The following PLCE1 variants were observed in gnomAD, a reference collection of about 807,000 sequenced individuals.
PLCE1 encodes the protein 1-phosphatidylinositol 4,5-bisphosphate phosphodiesterase epsilon-1.
In PLCE1, 119 loss-of-function variants were observed where a neutral mutation model predicts 242.8. The observed-to-expected ratio is 0.49, with a 90% confidence interval of 0.42 to 0.57. The LOEUF (loss-of-function observed/expected upper bound fraction) is 0.57, where lower values mean the gene tolerates loss of function less well. PLCE1 is among the 20% of genes least tolerant of loss of function. The probability of loss-of-function intolerance (pLI) is 0.00; values close to 1 mark genes in which losing one functional copy is unlikely to be tolerated. For missense variants in PLCE1, 2,441 were observed against 2,788.8 expected, an observed-to-expected ratio of 0.88 and a Z score of 2.81; for synonymous variants, 945 against 1,017.4, an observed-to-expected ratio of 0.93 and a Z score of 1.35.
At chr10:94,062,149 G>T (rs904425736) in intron 2 of PLCE1, among the ~76,000 whole-genome samples, 1 of 152,228 alleles carries the variant, frequency 6.6e-6, no homozygotes, top group Admixed American at 6.5e-5. Flanking sequence ...ATAGGTTGGT[G>T]GTTAAAACTG....
chr10:94,305,829 CTT>C (rs377352867), intron 25 of PLCE1, among the ~76,000 whole-genome samples: 86 of 152,264 alleles, frequency 5.6e-4, no homozygotes, highest in African/African-American at 1.9e-3. Context: ...AAAGTCTTCT[CTT>C]GTGAGAAATT....
chr10:94,132,132 A>G (rs1433690362), intron 2 of PLCE1, 42 bp from the exon 3 acceptor site: 4 of 1,597,364 alleles, frequency 2.5e-6, no homozygotes, highest in East Asian at 4.5e-5. Context: ...TGCTTTCCTA[A>G]GAAACTAGAT....
intron 13 of PLCE1, among the ~76,000 whole-genome samples, chr10:94,259,705 C>T (rs1321188738): frequency 1.3e-5 from 2 of 152,130 alleles, no homozygotes; most frequent in Non-Finnish European, 2.9e-5. Context: ...CCAATAAAGC[C>T]TTCCAGTCAT....
chr10:94,009,984 A>C (rs769369376), intron 1 of PLCE1, among the ~76,000 whole-genome samples: 8 of 152,180 alleles, frequency 5.3e-5, no homozygotes, highest in African/African-American at 1.9e-4. Context: ...GGTACAAAAC[A>C]CTGTGGGGGC....
intron 3 of PLCE1, among the ~76,000 whole-genome samples, chr10:94,132,949 CA>C (rs33967020): frequency 0.12 from 10,551 of 88,936 alleles, 627 homozygotes; most frequent in African/African-American, 0.35. Flanking sequence ...GACTCCATCT[CA>C]AAAAAAAAAA....
rs552846057 is a variant in PLCE1 at position 94,041,121 on chromosome 10, T to A, written c.1206+8869T>A. ...TCAGCTTTCAGGCCTGAGCTTAGTT[T>A]CACTTTCTCTTGGTGGTCTTCTCTG... On this transcript the variant is annotated intron_variant, in intron 2 of 32. Transcript: ENST00000371380. Among the ~76,000 whole-genome samples the A allele has an allele frequency of 2.0e-5, 3 of 152,208 alleles. No homozygotes were observed. In the South Asian group the frequency reaches 6.2e-4, roughly 32 times the overall value.
intron 2 of PLCE1, chr10:94,108,868 C>T (rs895724883): frequency 1.2e-4 from 19 of 152,256 alleles, no homozygotes; most frequent in African/African-American, 3.4e-4. Context: ...TACCCAGTAA[C>T]AGCCCTCTTT....
At chr10:94,163,478 C>T (rs1276179434) in intron 3 of PLCE1, among the ~76,000 whole-genome samples, 1 of 152,120 alleles carries the variant, frequency 6.6e-6, no homozygotes, top group Non-Finnish European at 1.5e-5. Context: ...AGGATTGCAA[C>T]CCCTGCCTTT....
chr10:94,163,325 T>C (rs1459658697), intron 3 of PLCE1, among the ~76,000 whole-genome samples: 3 of 152,230 alleles, frequency 2.0e-5, no homozygotes, highest in Non-Finnish European at 4.4e-5. Context: ...ACTTGCTTTA[T>C]GAATCTGGGT....
At chr10:94,113,350 G>A (rs2046014090) in intron 2 of PLCE1, among the ~76,000 whole-genome samples, 1 of 149,838 alleles carries the variant, frequency 6.7e-6, no homozygotes, top group African/African-American at 2.4e-5. Context: ...CAGCAGAGAA[G>A]AAACTCAGTA....
intron 2 of PLCE1, among the ~76,000 whole-genome samples, chr10:94,127,797 C>A (rs2046477320): frequency 1.3e-5 from 2 of 152,134 alleles, no homozygotes; most frequent in South Asian, 2.1e-4. Flanking sequence ...AACTGAGGCA[C>A]AGAATGGCAA....
At chr10:94,204,234 A>T (rs1220041487) in intron 4 of PLCE1, among the ~76,000 whole-genome samples, 1 of 152,242 alleles carries the variant, frequency 6.6e-6, no homozygotes, top group Non-Finnish European at 1.5e-5. Context: ...AGATTATATC[A>T]TTCTCATTAT....
chr10:94,319,929 G>A (rs974311219), intron 29 of PLCE1, among the ~76,000 whole-genome samples: 1 of 143,208 alleles, frequency 7.0e-6, no homozygotes, highest in African/African-American at 2.6e-5. Context: ...GAGTGCAGTG[G>A]CGCGATCTCA....
At chr10:94,013,095 C>G (rs1445401301) in intron 1 of PLCE1, among the ~76,000 whole-genome samples, 1 of 152,248 alleles carries the variant, frequency 6.6e-6, no homozygotes, top group Non-Finnish European at 1.5e-5. Flanking sequence ...TAACCCAAGG[C>G]AGGAAGCATC....
chr10:94,056,264 G>T (rs1001987108), intron 2 of PLCE1, among the ~76,000 whole-genome samples: 1 of 152,098 alleles, frequency 6.6e-6, no homozygotes, highest in African/African-American at 2.4e-5. Flanking sequence ...AGCAGAGAGA[G>T]GGTTGGATTA....
At chr10:94,073,100 CCA>C (rs1411080193) in intron 2 of PLCE1, among the ~76,000 whole-genome samples, 1 of 152,118 alleles carries the variant, frequency 6.6e-6, no homozygotes, top group Non-Finnish European at 1.5e-5. Context: ...CCTTCCATAT[CCA>C]GTTTCCCACC....
At position 94,297,590 on chromosome 10, in the gene PLCE1, T is replaced by TAAAAAAAAAAAAAAAAAAAAAA. The variant is rs71031568; in HGVS notation, c.5168-773_5168-752dup. Among the ~76,000 whole-genome samples the TAAAAAAAAAAAAAAAAAAAAAA allele has an allele frequency of 1.8e-4, 10 of 56,582 alleles. 1 individual carries two copies. Among genetic ancestry groups the TAAAAAAAAAAAAAAAAAAAAAA allele is most frequent in the Non-Finnish European group, 2.5e-4 (7 of 27,814 alleles). 37.1% of individuals were successfully genotyped at this position (56,582 alleles called of 152,430 possible). ...AGGCCTGCCCCAAACTTTAAATTTG[T>TAAAAAAAAAAAAAAAAAAAAAA]AAAAAAAAAAAAAAAAAAAAAAAAA... On this transcript the variant is annotated intron_variant, in intron 23 of 32. Transcript: ENST00000371380.
chr10:94,274,529 T>C (rs915731779), intron 19 of PLCE1, among the ~76,000 whole-genome samples: 11 of 151,204 alleles, frequency 7.3e-5, no homozygotes, highest in African/African-American at 2.7e-4. Context: ...TCACCCATGA[T>C]TCTGGGCCAA....
chr10:94,064,237 C>T (rs984670802), intron 2 of PLCE1, among the ~76,000 whole-genome samples: 1 of 152,158 alleles, frequency 6.6e-6, no homozygotes, highest in South Asian at 2.1e-4. Context: ...CATAATAAGT[C>T]AGGCTAGTTG....
Sources: gnomAD v4.1 joint callset for allele counts (sites outside exome capture counted in the v4.1 genomes callset) on GRCh38, gnomAD v4.1.1 for gene constraint, MANE v1.5 for transcripts, NCBI Gene and HGNC (gene_info 2026-07-23, HGNC 2026-07-21) for gene names.